NCAM2: variants seen among roughly 807,000 people sequenced by gnomAD.
NCAM2 encodes N-CAM-2.
A neutral mutation model predicts 98.1 loss-of-function variants in NCAM2; 30 were observed. The observed-to-expected ratio is 0.31, with a 90% confidence interval of 0.23 to 0.41. The LOEUF is 0.41. Ranked by LOEUF, NCAM2 falls within the 10% of genes least tolerant of loss-of-function variation. The pLI is 1.00. For missense variants in NCAM2, 867 were observed against 1,005.8 expected (o/e 0.86, Z 1.87); for synonymous variants, 368 against 342.4 (o/e 1.07, Z -0.83).
chr21:21,371,347 A>G (rs188717250), intron 8 of NCAM2, among the ~76,000 whole-genome samples: 180 of 151,854 alleles, frequency 1.2e-3, no homozygotes, highest in African/African-American at 4.2e-3. Context: ...ACCTCAGAGT[A>G]TTTGAAGTTG....
At chr21:21,117,010 T>C (rs2066576159) in intron 1 of NCAM2, among the ~76,000 whole-genome samples, 2 of 152,292 alleles carry the variant, frequency 1.3e-5, no homozygotes, top group South Asian at 4.1e-4. Flanking sequence ...AATTTTAAAA[T>C]ATTTATTTGA....
intron 1 of NCAM2, among the ~76,000 whole-genome samples, chr21:21,080,088 C>CAAACA (rs2065760517): frequency 2.0e-5 from 3 of 152,008 alleles, no homozygotes; most frequent in African/African-American, 7.2e-5. Flanking sequence ...ATGAGCTTCC[C>CAAACA]AAACAAAACA....
chr21:21,477,501 G>A, intron 15 of NCAM2, 30 bp downstream of exon 15: 1 of 1,500,388 alleles, frequency 6.7e-7, no homozygotes, highest in Middle Eastern at 1.8e-4. Context: ...TTTTTAGACT[G>A]AACAATAAAT....
intron 1 of NCAM2, among the ~76,000 whole-genome samples, chr21:21,082,264 C>A: frequency 8.2e-6 from 1 of 121,226 alleles, no homozygotes. Flanking sequence ...ATGCTTTGTA[C>A]CTATCAGAGC....
chr21:21,057,802 T>G (rs1472911493), intron 1 of NCAM2, among the ~76,000 whole-genome samples: 1 of 152,072 alleles, frequency 6.6e-6, no homozygotes, highest in African/African-American at 2.4e-5. Context: ...TCCTAAAAGC[T>G]TCAGGCCTCT....
At chr21:21,492,675 A>G (rs1986932287) in intron 15 of NCAM2, among the ~76,000 whole-genome samples, 3 of 151,848 alleles carry the variant, frequency 2.0e-5, no homozygotes, top group South Asian at 4.1e-4. Flanking sequence ...TTTCATCTCA[A>G]TATGCATCCT....
intron 7 of NCAM2, among the ~76,000 whole-genome samples, chr21:21,338,183 A>G (rs1449303863): frequency 6.6e-6 from 1 of 152,094 alleles, no homozygotes; most frequent in Non-Finnish European, 1.5e-5. Flanking sequence ...GTATAATGGT[A>G]ACAGATGAGT....
chr21:21,052,711 T>A (rs1363665488), intron 1 of NCAM2, among the ~76,000 whole-genome samples: 2 of 152,092 alleles, frequency 1.3e-5, no homozygotes. Flanking sequence ...CAAACAAAGT[T>A]TAGACAGATT....
Position 21,534,669 on chromosome 21 carries a change from G to T in NCAM2, c.2402+13G>T, listed in dbSNP as rs1989886859. ...TGACAGAACCTGAGTATGTGGCTTG[G>T]AGTGCTCACTTATGTTCAAATGGGT... is the stretch of plus-strand genomic sequence containing the variant. On this transcript the variant is annotated intron_variant, in intron 17 of 17. Transcript: ENST00000400546. 9 of 1,586,454 alleles carry T rather than the reference G, an allele frequency of 5.7e-6. No individual in the cohort carries two copies. Among genetic ancestry groups the T allele is most frequent in the Non-Finnish European group, 7.7e-6 (9 of 1,168,158 alleles).
At chr21:21,386,145 C>G (rs1057200073) in intron 9 of NCAM2, among the ~76,000 whole-genome samples, 12 of 152,060 alleles carry the variant, frequency 7.9e-5, no homozygotes, top group Non-Finnish European at 8.8e-5. Context: ...ATTCTTATCT[C>G]AAATTCTCTG....
At chr21:21,140,873 A>G (rs1284947353) in intron 1 of NCAM2, among the ~76,000 whole-genome samples, 3 of 152,194 alleles carry the variant, frequency 2.0e-5, no homozygotes, top group African/African-American at 7.2e-5. Flanking sequence ...CTATGAGGCC[A>G]GAGTGTAGCA....
At chr21:21,072,134 G>A (rs542100995) in intron 1 of NCAM2, among the ~76,000 whole-genome samples, 204 of 152,164 alleles carry the variant, frequency 1.3e-3, no homozygotes, top group African/African-American at 4.9e-3. Context: ...GGATGGTCTC[G>A]ATCTCCTGAC....
intron 1 of NCAM2, among the ~76,000 whole-genome samples, chr21:21,266,046 T>A (rs2072257796): frequency 6.6e-6 from 1 of 152,128 alleles, no homozygotes; most frequent in African/African-American, 2.4e-5. Flanking sequence ...AGTGATACGG[T>A]AATAGTCACC....
intron 9 of NCAM2, among the ~76,000 whole-genome samples, chr21:21,396,421 T>G (rs1180342341): frequency 6.6e-6 from 1 of 152,222 alleles, no homozygotes; most frequent in African/African-American, 2.4e-5. Flanking sequence ...TGTAGACTAG[T>G]AACACTGTCA....
intron 1 of NCAM2, among the ~76,000 whole-genome samples, chr21:21,254,104 C>T (rs1295144038): frequency 6.6e-6 from 1 of 152,158 alleles, no homozygotes; most frequent in Non-Finnish European, 1.5e-5. Context: ...GACTGAAAAT[C>T]AAGGCAGTAA....
intron 8 of NCAM2, among the ~76,000 whole-genome samples, chr21:21,354,222 T>C (rs2075412931): frequency 6.6e-6 from 1 of 152,178 alleles, no homozygotes; most frequent in Non-Finnish European, 1.5e-5. Context: ...CTACGTAGTA[T>C]AGACCTACAT....
intron 1 of NCAM2, among the ~76,000 whole-genome samples, chr21:21,246,781 T>C (rs1371043338): frequency 1.3e-5 from 2 of 152,212 alleles, no homozygotes; most frequent in Non-Finnish European, 2.9e-5. Context: ...ACATGCATTT[T>C]TGAAACTTTT....
At position 21,312,795 on chromosome 21, in the gene NCAM2, A is replaced by C. The variant is rs560036397; in HGVS notation, c.620-11588A>C. On this transcript the variant is annotated intron_variant, in intron 5 of 17. Transcript: ENST00000400546. ...CTGAAAGAGATTTTACAGAAATGCT[A>C]TTGTTTCTTCTTTAAATATTTTTTA... 2.0e-5 allele frequency among the ~76,000 whole-genome samples: 3 copies of C among 151,998 alleles called. No homozygotes were observed. The South Asian group carries it at 6.2e-4, about 31-fold the overall frequency.
chr21:21,238,357 C>A (rs2070928925), intron 1 of NCAM2, among the ~76,000 whole-genome samples: 1 of 152,100 alleles, frequency 6.6e-6, no homozygotes, highest in Non-Finnish European at 1.5e-5. Context: ...TAAAATAATA[C>A]ATACATTTAT....
Sources: gnomAD v4.1 joint callset for allele counts (sites outside exome capture counted in the v4.1 genomes callset) on GRCh38, gnomAD v4.1.1 for gene constraint, MANE v1.5 for transcripts, NCBI Gene and HGNC (gene_info 2026-07-23, HGNC 2026-07-21) for gene names.